The following CUX1 variants were observed in gnomAD, a reference collection of about 807,000 sequenced individuals.
CUX1 encodes protein CASP.
Under a neutral mutation model 158.8 loss-of-function variants are expected in CUX1, and 31 were observed. The observed-to-expected ratio is 0.20, with a 90% CI of 0.15 to 0.26. The LOEUF is 0.26. Among genes scored for constraint, CUX1 ranks in the 10% least tolerant of loss-of-function variants. The probability of loss-of-function intolerance (pLI) is 1.00; values close to 1 mark genes in which losing one functional copy is unlikely to be tolerated. For synonymous variants in CUX1, 879 were observed against 862.1 expected, an observed-to-expected ratio of 1.02 and a Z score of -0.34; for missense variants, 1,589 against 2,014.6, an observed-to-expected ratio of 0.79 and a Z score of 4.04.
intron 8 of CUX1, among the ~76,000 whole-genome samples, chr7:102,117,538 G>A (rs555092877): frequency 6.6e-6 from 1 of 152,104 alleles, no homozygotes; most frequent in South Asian, 2.1e-4. Context: ...CTGAAGGTGA[G>A]GGCCCCCTCG....
chr7:102,112,222 T>C (rs1288021982), intron 7 of CUX1, among the ~76,000 whole-genome samples: 3 of 151,752 alleles, frequency 2.0e-5, no homozygotes, highest in African/African-American at 7.3e-5. Context: ...TACAGTATCT[T>C]TAAACTTCTT....
intron 3 of CUX1, among the ~76,000 whole-genome samples, chr7:102,054,910 G>T (rs1823963453): frequency 1.3e-5 from 2 of 151,974 alleles, no homozygotes; most frequent in African/African-American, 4.8e-5. Flanking sequence ...ATTGGAGGTT[G>T]CAGTGAGCTG....
chr7:102,052,703 G>A (rs1029764291), intron 3 of CUX1, among the ~76,000 whole-genome samples: 15 of 152,110 alleles, frequency 9.9e-5, no homozygotes, highest in Non-Finnish European at 1.6e-4. Context: ...TTAACATTTT[G>A]AGGAATGGCC....
At chr7:101,998,847 G>C (rs1370455186) in intron 2 of CUX1, among the ~76,000 whole-genome samples, 1 of 152,164 alleles carries the variant, frequency 6.6e-6, no homozygotes, top group Non-Finnish European at 1.5e-5. Flanking sequence ...TTCTTAAGTT[G>C]AGGGAGCTGC....
At chr7:101,907,053 C>A (rs984877490) in intron 1 of CUX1, among the ~76,000 whole-genome samples, 2 of 152,210 alleles carry the variant, frequency 1.3e-5, no homozygotes, top group Non-Finnish European at 2.9e-5. Context: ...AGTAGTGAAT[C>A]AAAGCCTGTC....
At chr7:101,817,360 G>A (rs868747944), upstream of CUX1, 1 of 984,702 alleles carries the variant, frequency 1.0e-6, no homozygotes, top group Middle Eastern at 5.2e-4. The surrounding 1 kb of genome is among the most constrained non-coding windows in gnomAD (Gnocchi z 4.1). Flanking sequence ...CGGCGGGTGC[G>A]CTCGGAGATG....
chr7:102,164,262 A>G (rs1790767739), intron 9 of CUX1, among the ~76,000 whole-genome samples: 1 of 152,208 alleles, frequency 6.6e-6, no homozygotes, highest in Admixed American at 6.5e-5. Flanking sequence ...GGCTCAAGCT[A>G]TCCTCTCGCC....
At chr7:101,846,214 T>A (rs369573084) in intron 1 of CUX1, among the ~76,000 whole-genome samples, 1 of 152,252 alleles carries the variant, frequency 6.6e-6, no homozygotes, top group Non-Finnish European at 1.5e-5. Flanking sequence ...ATCTTCCAAG[T>A]TGAGCTCTCC....
intron 2 of CUX1, among the ~76,000 whole-genome samples, chr7:101,936,290 G>A (rs764232081): frequency 3.6e-4 from 55 of 152,116 alleles, no homozygotes; most frequent in Non-Finnish European, 7.4e-4. Flanking sequence ...CCAGGTTAAG[G>A]TATGGACTTC....
chr7:102,057,301 AAC>A (rs1824280850), intron 3 of CUX1, among the ~76,000 whole-genome samples: 1 of 152,220 alleles, frequency 6.6e-6, no homozygotes, highest in Non-Finnish European at 1.5e-5. Flanking sequence ...CATGCCTGCT[AAC>A]ACAACCTGCA....
In CUX1 at chr7:102,207,542, C is replaced by G. The variant is rs572992473; in HGVS notation, c.3130+2372C>G. 8.7e-5 allele frequency among the ~76,000 whole-genome samples: 13 copies of G among 149,394 alleles called. No individual in the cohort carries two copies. The South Asian group carries it at 1.9e-3, about 22-fold the overall frequency. On this transcript the variant is annotated intron_variant, in intron 20 of 23. Transcript: ENST00000292535. Reference sequence around the variant, plus strand: ...CTCAGCTCACTGTAACCTCCACCCCCCCAGGTTCAAGTGATTCTCCTGCCT... The same window carrying G: ...CTCAGCTCACTGTAACCTCCACCCCGCCAGGTTCAAGTGATTCTCCTGCCT...
At chr7:101,954,022 A>T (rs768829988) in intron 2 of CUX1, among the ~76,000 whole-genome samples, 2 of 152,106 alleles carry the variant, frequency 1.3e-5, no homozygotes, top group African/African-American at 2.4e-5. Context: ...CCCCATCTCT[A>T]CAAAAAAAAT....
chr7:101,875,288 G>GT (rs1171587592), intron 1 of CUX1, among the ~76,000 whole-genome samples: 3 of 152,114 alleles, frequency 2.0e-5, no homozygotes, highest in Non-Finnish European at 4.4e-5. Flanking sequence ...GTGGGGTGAT[G>GT]TTTTTTGTTG....
At chr7:102,160,619 G>C (rs554263904) in intron 9 of CUX1, among the ~76,000 whole-genome samples, 14 of 151,682 alleles carry the variant, frequency 9.2e-5, no homozygotes, top group Admixed American at 2.0e-4. Context: ...TAAATTTCTT[G>C]GTCATAAAAA....
intron 20 of CUX1, among the ~76,000 whole-genome samples, chr7:102,218,990 C>G (rs1389042570): frequency 6.7e-6 from 1 of 150,366 alleles, no homozygotes; most frequent in African/African-American, 2.4e-5. Context: ...GAGGCAGAGG[C>G]TGCAGTGAGC....
intron 1 of CUX1, among the ~76,000 whole-genome samples, chr7:101,901,025 C>T (rs1305856585): frequency 2.0e-5 from 3 of 152,072 alleles, no homozygotes; most frequent in Non-Finnish European, 2.9e-5. Context: ...AGTTTTCCAA[C>T]GACCCTGGGA....
intron 2 of CUX1, among the ~76,000 whole-genome samples, chr7:101,956,685 G>A (rs947125064): frequency 6.6e-6 from 1 of 152,222 alleles, no homozygotes; most frequent in Non-Finnish European, 1.5e-5. Flanking sequence ...AGTGGCTCAC[G>A]CCTATAATCC....
intron 3 of CUX1, among the ~76,000 whole-genome samples, chr7:102,065,350 G>A (rs1825425678): frequency 6.6e-6 from 1 of 152,078 alleles, no homozygotes; most frequent in South Asian, 2.1e-4. Context: ...AAAGTGCTGG[G>A]ATTACAGGTG....
At chr7:102,241,753 A>G (rs148695932) in intron 23 of CUX1, among the ~76,000 whole-genome samples, 24 of 152,356 alleles carry the variant, frequency 1.6e-4, no homozygotes, top group African/African-American at 3.4e-4. Flanking sequence ...CTTCCCCACA[A>G]TGGCAGCCCT....
Sources: gnomAD v4.1 joint callset for allele counts (sites outside exome capture counted in the v4.1 genomes callset) on GRCh38, gnomAD v4.1.1 for gene constraint, Gnocchi (gnomAD v3.1) non-coding constraint, MANE v1.5 for transcripts, NCBI Gene and HGNC (gene_info 2026-07-23, HGNC 2026-07-21) for gene names.